The following PAK1 variants were observed in gnomAD, a reference collection of about 807,000 sequenced individuals.
The protein encoded by PAK1 is serine/threonine-protein kinase PAK 1.
A neutral mutation model predicts 67.4 loss-of-function variants in PAK1; 29 were observed. The observed-to-expected ratio is 0.43, with a 90% CI of 0.32 to 0.59. The LOEUF (loss-of-function observed/expected upper bound fraction) is 0.59, where lower values mean the gene tolerates loss of function less well. Ranked by LOEUF, PAK1 falls within the 20% of genes least tolerant of loss-of-function variation. The pLI is 0.07. For synonymous variants in PAK1, 223 were observed against 237.4 expected (o/e 0.94, Z 0.56); for missense variants, 337 against 670.7 (o/e 0.50, Z 5.50).
chr11:77,333,674 C>T (rs920015849), intron 13 of PAK1, among the ~76,000 whole-genome samples: 16 of 152,090 alleles, frequency 1.1e-4, no homozygotes, highest in Non-Finnish European at 2.2e-4. Flanking sequence ...TGTTGCCACC[C>T]TAGTCCCCTA....
chr11:77,454,744 T>C (rs1957009453), intron 1 of PAK1, among the ~76,000 whole-genome samples: 1 of 152,214 alleles, frequency 6.6e-6, no homozygotes, highest in Non-Finnish European at 1.5e-5. Context: ...CAGAGAAAGC[T>C]GACCCCATTC....
chr11:77,368,430 T>C (rs540258991), intron 5 of PAK1, among the ~76,000 whole-genome samples: 2 of 152,366 alleles, frequency 1.3e-5, no homozygotes, highest in African/African-American at 4.8e-5. Context: ...AAAGGTATTA[T>C]TAAATGTTTA....
chr11:77,410,559 A>G (rs1321825525), intron 1 of PAK1, among the ~76,000 whole-genome samples: 1 of 152,164 alleles, frequency 6.6e-6, no homozygotes, highest in African/African-American at 2.4e-5. Flanking sequence ...AAAATTTTAG[A>G]AAAGAGAAGA....
At chr11:77,393,579 G>C (rs1218407032) in intron 1 of PAK1, among the ~76,000 whole-genome samples, 1 of 152,190 alleles carries the variant, frequency 6.6e-6, no homozygotes. Context: ...TTACAGGCGA[G>C]AGCCACTGTG....
chr11:77,388,365 G>A (rs1413758000), intron 2 of PAK1, among the ~76,000 whole-genome samples: 1 of 152,050 alleles, frequency 6.6e-6, no homozygotes, highest in Non-Finnish European at 1.5e-5. Context: ...ATTTTATTTT[G>A]TTTTTTGAGA....
chr11:77,323,153 T>C lies in PAK1; in HGVS notation c.*121A>G. On this transcript the variant is annotated 3_prime_UTR_variant, in exon 15 of 15. Coordinates refer to ENST00000356341, the MANE Select transcript of PAK1 (RefSeq NM_002576.5). ...TTCCAAGGATCAAAGTCTTGAGGAG[T>C]GCTAGATCAGGAAATGGGAGAAGCA... is the stretch of plus-strand genomic sequence containing the variant. 6.5e-7 allele frequency: 1 copy of C among 1,549,224 alleles called. No individual in the cohort carries two copies. Among genetic ancestry groups the C allele is most frequent in the Non-Finnish European group, 8.7e-7 (1 of 1,144,860 alleles).
the PAK1 span, among the ~76,000 whole-genome samples, chr11:77,480,355 G>A: frequency 6.6e-6 from 1 of 151,956 alleles, no homozygotes; most frequent in Non-Finnish European, 1.5e-5. Context: ...TTGTGGAGAA[G>A]CTGACCAAGA....
the PAK1 span, among the ~76,000 whole-genome samples, chr11:77,499,120 A>ATAC: frequency 6.8e-6 from 1 of 146,906 alleles, no homozygotes; most frequent in Non-Finnish European, 1.5e-5. Flanking sequence ...TTAATGAGTG[A>ATAC]TACCCACTCA....
intron 8 of PAK1, among the ~76,000 whole-genome samples, chr11:77,350,495 G>C (rs1945088912): frequency 6.6e-6 from 1 of 152,162 alleles, no homozygotes; most frequent in East Asian, 1.9e-4. Context: ...CTCATTTTAT[G>C]CTTAAGACCA....
At chr11:77,420,568 T>A (rs1237042224) in intron 1 of PAK1, among the ~76,000 whole-genome samples, 1 of 152,194 alleles carries the variant, frequency 6.6e-6, no homozygotes, top group African/African-American at 2.4e-5. Flanking sequence ...TACTCCACTT[T>A]TTGTCTATCA....
At chr11:77,410,386 G>A (rs936410330) in intron 1 of PAK1, among the ~76,000 whole-genome samples, 1 of 152,142 alleles carries the variant, frequency 6.6e-6, no homozygotes, top group African/African-American at 2.4e-5. Flanking sequence ...CCCAAGGCAA[G>A]GCACAGAGGC....
chr11:77,338,141 T>C (rs963259425), intron 11 of PAK1, among the ~76,000 whole-genome samples: 2 of 152,164 alleles, frequency 1.3e-5, no homozygotes, highest in South Asian at 2.1e-4. Context: ...TGCTACCCCA[T>C]TGACTATATA....
chr11:77,495,213 C>T, the PAK1 span, among the ~76,000 whole-genome samples: 2 of 150,808 alleles, frequency 1.3e-5, no homozygotes, highest in Non-Finnish European at 3.0e-5. Context: ...GTGGCTCACA[C>T]CTGTAATCCC....
the PAK1 span, among the ~76,000 whole-genome samples, chr11:77,509,330 A>T: frequency 6.6e-6 from 1 of 152,208 alleles, no homozygotes; most frequent in Non-Finnish European, 1.5e-5. Context: ...ATGTACCTCA[A>T]ATGGACCCCC....
the PAK1 span, among the ~76,000 whole-genome samples, chr11:77,493,951 A>G: frequency 6.6e-6 from 1 of 152,238 alleles, no homozygotes; most frequent in South Asian, 2.1e-4. Context: ...CACTCAACAA[A>G]CACTCAAAAG....
At chr11:77,406,546 G>C (rs1362395761) in intron 1 of PAK1, among the ~76,000 whole-genome samples, 1 of 152,226 alleles carries the variant, frequency 6.6e-6, no homozygotes, top group African/African-American at 2.4e-5. Context: ...GGGAGGCTGA[G>C]GTGGGTGGAT....
At chr11:77,365,270 A>AAAAAAAAAAAAAAAAAAAG (rs1947375922) in intron 5 of PAK1, among the ~76,000 whole-genome samples, 12 of 109,460 alleles carry the variant, frequency 1.1e-4, no homozygotes, top group Admixed American at 2.7e-4. Context: ...AAAAAAAAAG[A>AAAAAAAAAAAAAAAAAAAG]AAAAAGAAAA....
chr11:77,472,145 C>A (rs1438670066), intron 1 of PAK1, among the ~76,000 whole-genome samples: 1 of 152,208 alleles, frequency 6.6e-6, no homozygotes, highest in Non-Finnish European at 1.5e-5. Flanking sequence ...GCTCTCCGAA[C>A]TCCAGTAATG....
intron 5 of PAK1, among the ~76,000 whole-genome samples, chr11:77,365,270 A>AAAAAAAAAAAAG (rs1947375922): frequency 8.2e-5 from 9 of 109,474 alleles, no homozygotes; most frequent in African/African-American, 1.3e-4. Flanking sequence ...AAAAAAAAAG[A>AAAAAAAAAAAAG]AAAAAGAAAA....
Sources: allele counts gnomAD v4.1 joint callset (sites outside exome capture counted in the v4.1 genomes callset), GRCh38; gene constraint gnomAD v4.1.1; transcripts MANE v1.5; gene names NCBI Gene and HGNC (gene_info 2026-07-23, HGNC 2026-07-21).